LRP2: variants seen among roughly 807,000 people sequenced by gnomAD.
The protein encoded by LRP2 is LDL receptor related protein 2.
In LRP2, 172 loss-of-function variants were observed where a neutral mutation model predicts 531.0. That is an observed-to-expected ratio of 0.32 (90% CI 0.29 to 0.37). The LOEUF (loss-of-function observed/expected upper bound fraction) is 0.37, where lower values mean the gene tolerates loss of function less well. LRP2 is among the 10% of genes least tolerant of loss of function. LRP2 has a pLI of 1.00. For missense variants in LRP2, 5,167 were observed against 5,868.3 expected, an observed-to-expected ratio of 0.88 and a Z score of 3.90; for synonymous variants, 1,992 against 2,027.6, an observed-to-expected ratio of 0.98 and a Z score of 0.47.
At chr2:169,276,778 G>T (rs1468274779) in intron 13 of LRP2, among the ~76,000 whole-genome samples, 2 of 151,898 alleles carry the variant, frequency 1.3e-5, no homozygotes, top group Non-Finnish European at 2.9e-5. Flanking sequence ...TAATATTTTG[G>T]GTCAAAATTT....
intron 1 of LRP2, 90 bp downstream of exon 1, chr2:169,362,231 G>A (rs1686187424): frequency 3.4e-6 from 4 of 1,161,132 alleles, no homozygotes; most frequent in East Asian, 2.7e-5. Flanking sequence ...GCCCCTGCCC[G>A]GACGCTCTCC....
chr2:169,243,746 T>G (rs1331253991), intron 22 of LRP2, among the ~76,000 whole-genome samples: 1 of 152,176 alleles, frequency 6.6e-6, no homozygotes, highest in Non-Finnish European at 1.5e-5. Flanking sequence ...AGTCAGAAAC[T>G]GTGATTACAC....
rs137896064 is a variant in LRP2 at position 169,197,178 on chromosome 2, T to C, written c.8579-148A>G. On this transcript the variant is annotated intron_variant, in intron 45 of 78. Transcript: ENST00000649046. ...AAAATGGATGCTTGTGTAAGCTTTCTGTGGGGAGGAAGAAGTATGGGAGAC... is the reference window on the plus strand; with the variant it reads ...AAAATGGATGCTTGTGTAAGCTTTCCGTGGGGAGGAAGAAGTATGGGAGAC... 9.2e-4 allele frequency: 836 copies of C among 908,018 alleles called. 2 individuals are homozygous for C. In the African/African-American group the frequency reaches 1.0e-2, roughly 11 times the overall value. The allele number at this position is 908,018 out of a possible 1,614,324, so 56.2% of individuals were successfully genotyped here.
At chr2:169,341,928 A>G (rs571190700) in intron 1 of LRP2, among the ~76,000 whole-genome samples, 5 of 152,284 alleles carry the variant, frequency 3.3e-5, no homozygotes, top group African/African-American at 9.6e-5. Context: ...TGGGCCCTCA[A>G]CAAAAGAACT....
At chr2:169,318,530 T>C (rs546619435) in intron 3 of LRP2, among the ~76,000 whole-genome samples, 104 of 152,344 alleles carry the variant, frequency 6.8e-4, no homozygotes, top group African/African-American at 2.5e-3. Context: ...AAATTAAAGA[T>C]TGGGAACCTA....
chr2:169,280,437 C>T lies in LRP2; in HGVS notation c.1254G>A (p.Val418=). 2 of 1,614,184 alleles carry T rather than the reference C, an allele frequency of 1.2e-6. No individual in the cohort carries two copies. Among genetic ancestry groups the T allele is most frequent in the Non-Finnish European group, 1.7e-6 (2 of 1,180,016 alleles). The change falls in exon 11 of 79, where the codon GTG becomes GTA. Residue 418 remains valine, a synonymous_variant. Transcript: ENST00000649046. The stretch of plus-strand genomic sequence containing the variant: ...CGGCCACTCCACGATTCTGAGACTC[C>T]ACTAGGATCCGGAAGCTCCTTCCAT... ...DIHGRSFRIL[V]ESQNRGVAVG... is the part of the protein sequence containing the mutation.
At chr2:169,239,855 T>TGC in intron 25 of LRP2, 80 bp from the exon 26 acceptor site, 2 of 1,259,644 alleles carry the variant, frequency 1.6e-6, no homozygotes, top group Non-Finnish European at 1.2e-6. Flanking sequence ...CAATATTTAT[T>TGC]ATGCAGTCTC....
chr2:169,235,487 C>A (rs1227027342), intron 29 of LRP2, among the ~76,000 whole-genome samples: 1 of 152,296 alleles, frequency 6.6e-6, no homozygotes, highest in East Asian at 1.9e-4. Context: ...GATCCACCCA[C>A]CTCGGCCTCC....
At position 169,220,512 on chromosome 2, in the gene LRP2, C is replaced by G. The variant is rs1688952887; in HGVS notation, c.5590G>C (p.Asp1864His). 1.9e-6 allele frequency: 3 copies of G among 1,613,616 alleles called. No homozygotes were observed. Among genetic ancestry groups the G allele is most frequent in the South Asian group, 1.1e-5 (1 of 91,074 alleles). ...AAGCCAACTCCAAGAGCTGTCCCAT[C>G]ATTGGCAATCAATGTTTTTCTGTAT... ...IRYRKTLIAN[D>H]GTALGVGFPI... The change falls in exon 34 of 79, where the codon GAT becomes CAT. Residue 1864 changes from aspartate to histidine, a missense_variant. Transcript: ENST00000649046.
chr2:169,159,462 G>A (rs1481058014), intron 63 of LRP2, among the ~76,000 whole-genome samples: 1 of 152,096 alleles, frequency 6.6e-6, no homozygotes, highest in African/African-American at 2.4e-5. Flanking sequence ...CCCTTGGAGT[G>A]CAGACTTCAA....
intron 76 of LRP2, among the ~76,000 whole-genome samples, chr2:169,133,284 A>T (rs1454403817): frequency 3.3e-5 from 5 of 152,256 alleles, no homozygotes; most frequent in African/African-American, 9.6e-5. Flanking sequence ...CCAAATTACC[A>T]TGAATGCATA....
At chr2:169,215,042 C>G (rs977579672) in intron 35 of LRP2, among the ~76,000 whole-genome samples, 1 of 146,388 alleles carries the variant, frequency 6.8e-6, no homozygotes, top group Non-Finnish European at 1.5e-5. Flanking sequence ...TGTGCCCTGT[C>G]AGATGTGTGT....
intron 42 of LRP2, 69 bp from the exon 43 acceptor site, chr2:169,203,028 A>C: frequency 7.8e-7 from 1 of 1,283,808 alleles, no homozygotes; most frequent in Non-Finnish European, 1.1e-6. Flanking sequence ...CCCCTCCACA[A>C]TAGCACTTGC....
intron 16 of LRP2, among the ~76,000 whole-genome samples, chr2:169,267,854 G>A (rs189869814): frequency 1.6e-4 from 24 of 152,076 alleles, no homozygotes; most frequent in Admixed American, 1.2e-3. Flanking sequence ...TTGATAGACC[G>A]CTAGCAAGAC....
chr2:169,151,063 C>A, intron 67 of LRP2, 37 bp from the exon 68 acceptor site: 1 of 1,612,394 alleles, frequency 6.2e-7, no homozygotes, highest in Non-Finnish European at 8.5e-7. Flanking sequence ...AACTGCAAAG[C>A]CTAGAGTAAT....
chr2:169,240,976 C>A lies in LRP2; in HGVS notation c.4045+12G>T. 1 of 1,610,322 alleles carries A rather than the reference C, an allele frequency of 6.2e-7. No individual in the cohort carries two copies. Among genetic ancestry groups the A allele is most frequent in the Non-Finnish European group, 8.5e-7 (1 of 1,179,996 alleles). ...GAGTTTATGGCCAGTAAACTGTGGT[C>A]AGGAAACTTACTGCAAAGTGGGGAC... On this transcript the variant is annotated intron_variant, in intron 25 of 78. Transcript: ENST00000649046.
At chr2:169,141,091 G>A (rs1685703534) in intron 71 of LRP2, among the ~76,000 whole-genome samples, 1 of 152,184 alleles carries the variant, frequency 6.6e-6, no homozygotes, top group Admixed American at 6.5e-5. Context: ...CTCCCAGCTA[G>A]GCCTGTACAT....
At chr2:169,324,793 A>C (rs1685002158) in intron 1 of LRP2, among the ~76,000 whole-genome samples, 1 of 152,156 alleles carries the variant, frequency 6.6e-6, no homozygotes, top group African/African-American at 2.4e-5. Flanking sequence ...GCAAGGAACA[A>C]CACTGGATTG....
At chr2:169,293,972 G>T (rs575166949) in intron 6 of LRP2, among the ~76,000 whole-genome samples, 176 bp downstream of exon 6, 1 of 152,116 alleles carries the variant, frequency 6.6e-6, no homozygotes, top group Admixed American at 6.5e-5. Context: ...ACACCACAAA[G>T]GCTTGTGCCA....
Sources: allele counts gnomAD v4.1 joint callset (sites outside exome capture counted in the v4.1 genomes callset), GRCh38; gene constraint gnomAD v4.1.1; transcripts MANE v1.5; gene names NCBI Gene and HGNC (gene_info 2026-07-23, HGNC 2026-07-21).